Variants in SHLD1 observed in about 807,000 individuals in gnomAD.
SHLD1 encodes RINN1-REV7-interacting novel NHEJ regulator 3.
In SHLD1, 3 loss-of-function variants were observed where a neutral mutation model predicts 5.5. The observed-to-expected ratio is 0.54, with a 90% confidence interval of 0.25 to 1.40. The LOEUF (loss-of-function observed/expected upper bound fraction) is 1.40, where lower values mean the gene tolerates loss of function less well. SHLD1 is among the 40% of genes most tolerant of loss of function. The pLI is 0.15. For synonymous variants in SHLD1, 92 were observed against 94.3 expected (o/e 0.98, Z 0.14); for missense variants, 210 against 244.4 (o/e 0.86, Z 0.94).
intron 1 of SHLD1, among the ~76,000 whole-genome samples, chr20:5,764,182 ATATATATATTT>A (rs1247540094): frequency 3.0e-5 from 2 of 67,052 alleles, no homozygotes; most frequent in African/African-American, 1.1e-4. Flanking sequence ...ATATTTTTAT[ATATATATATTT>A]TATATATATA....
chr20:5,763,830 C>T (rs958154350), intron 1 of SHLD1, among the ~76,000 whole-genome samples: 3 of 150,946 alleles, frequency 2.0e-5, no homozygotes, highest in South Asian at 2.1e-4. Context: ...GGAAACTGGC[C>T]GGGCGCAATG....
chr20:5,757,531 GTGTGTGTA>G (rs1984188286), intron 1 of SHLD1, among the ~76,000 whole-genome samples: 1 of 152,152 alleles, frequency 6.6e-6, no homozygotes, highest in Non-Finnish European at 1.5e-5. Flanking sequence ...AAACTTGTGT[GTGTGTGTA>G]TATGTGTGTA....
At chr20:5,831,954 A>G (rs1269026244) in intron 2 of SHLD1, among the ~76,000 whole-genome samples, 1 of 150,870 alleles carries the variant, frequency 6.6e-6, no homozygotes, top group African/African-American at 2.4e-5. Context: ...CTTTCTTTTC[A>G]TTTCTTTCTT....
intron 1 of SHLD1, among the ~76,000 whole-genome samples, chr20:5,767,815 C>G (rs185708215): frequency 6.6e-6 from 1 of 152,244 alleles, no homozygotes; most frequent in East Asian, 1.9e-4. Context: ...ACTAAGCCAC[C>G]TTGGAGGTTT....
At chr20:5,816,282 A>AT (rs1301042969) in intron 2 of SHLD1, among the ~76,000 whole-genome samples, 78 of 151,990 alleles carry the variant, frequency 5.1e-4, no homozygotes, top group Non-Finnish European at 5.9e-5. Flanking sequence ...CTTGAATGAC[A>AT]TTTTTTTTAT....
At chr20:5,862,401 C>T (rs190980905) in intron 2 of SHLD1, among the ~76,000 whole-genome samples, 38 of 152,298 alleles carry the variant, frequency 2.5e-4, no homozygotes, top group African/African-American at 8.7e-4. Flanking sequence ...CCAGACATCC[C>T]GGAGAGAATC....
chr20:5,771,863 CTTTTTTTTTTTTTTTTT>C (rs34145480), intron 1 of SHLD1: 1 of 79,084 alleles, frequency 1.3e-5, no homozygotes, highest in Non-Finnish European at 2.3e-5. Flanking sequence ...GAACTTTTAC[CTTTTTTTTTTTTTTTTT>C]TTTTTTTTTT....
At chr20:5,768,365 A>G (rs1018550108) in intron 1 of SHLD1, among the ~76,000 whole-genome samples, 6 of 152,198 alleles carry the variant, frequency 3.9e-5, no homozygotes, top group African/African-American at 1.4e-4. Flanking sequence ...TCCCCTAGCC[A>G]TGGCTGGCCT....
intron 2 of SHLD1, among the ~76,000 whole-genome samples, chr20:5,836,212 C>T (rs6038300): frequency 0.18 from 27,531 of 151,270 alleles, 3,379 homozygotes; most frequent in East Asian, 0.35. Flanking sequence ...TAAATGTTTA[C>T]GAGATACCAA....
intron 2 of SHLD1, among the ~76,000 whole-genome samples, chr20:5,858,701 G>A (rs1049814207): frequency 3.9e-5 from 6 of 152,122 alleles, no homozygotes; most frequent in African/African-American, 1.4e-4. Flanking sequence ...CAGGCATGGT[G>A]GCACACACCT....
chr20:5,832,012 G>T (rs1417743784), intron 2 of SHLD1, among the ~76,000 whole-genome samples: 1 of 152,182 alleles, frequency 6.6e-6, no homozygotes, highest in Non-Finnish European at 1.5e-5. Flanking sequence ...CTGTGCAGCT[G>T]TCTTGGCAAC....
At chr20:5,755,564 T>TC (rs1984033719) in intron 1 of SHLD1, among the ~76,000 whole-genome samples, 1 of 150,934 alleles carries the variant, frequency 6.6e-6, no homozygotes, top group Admixed American at 6.6e-5. Flanking sequence ...TTTTTCTTTT[T>TC]CTTTTTTTTT....
chr20:5,784,703 G>A (rs1294869974), intron 2 of SHLD1, among the ~76,000 whole-genome samples: 2 of 152,140 alleles, frequency 1.3e-5, no homozygotes, highest in African/African-American at 4.8e-5. Context: ...GCCCGCCTCA[G>A]CCTCCCAAAG....
At chr20:5,827,049 C>A (rs752526586) in intron 2 of SHLD1, among the ~76,000 whole-genome samples, 18 of 152,110 alleles carry the variant, frequency 1.2e-4, no homozygotes, top group Non-Finnish European at 2.5e-4. Context: ...CAGCTCAAGT[C>A]CTGGTGGAGA....
chr20:5,807,603 G>A (rs775474568), intron 2 of SHLD1, among the ~76,000 whole-genome samples: 2 of 152,076 alleles, frequency 1.3e-5, no homozygotes, highest in African/African-American at 2.4e-5. Flanking sequence ...AAACTTCCAG[G>A]CTAAAGTGAT....
At chr20:5,814,246 G>A (rs1041830403) in intron 2 of SHLD1, among the ~76,000 whole-genome samples, 1 of 151,974 alleles carries the variant, frequency 6.6e-6, no homozygotes, top group African/African-American at 2.4e-5. Flanking sequence ...ATGAGCCACC[G>A]CGCCCGACCC....
chr20:5,769,415 G>GGAAA (rs1479638902), intron 1 of SHLD1, among the ~76,000 whole-genome samples: 3 of 152,218 alleles, frequency 2.0e-5, no homozygotes, highest in African/African-American at 7.2e-5. Context: ...CAATAGCAGG[G>GGAAA]GAAAGTACAG....
At chr20:5,761,611 C>T (rs1600092012) in intron 1 of SHLD1, among the ~76,000 whole-genome samples, 3 of 139,596 alleles carry the variant, frequency 2.1e-5, no homozygotes, top group East Asian at 2.1e-4. Flanking sequence ...GTCTTAATTT[C>T]TTTTTTTTTT....
chr20:5,782,297 C>T (rs2086998704), intron 2 of SHLD1, among the ~76,000 whole-genome samples: 1 of 152,136 alleles, frequency 6.6e-6, no homozygotes, highest in Admixed American at 6.6e-5. Context: ...AAAGCAAGAT[C>T]ACAAAGGTCA....
Sources: allele counts gnomAD v4.1 joint callset (sites outside exome capture counted in the v4.1 genomes callset), GRCh38; gene constraint gnomAD v4.1.1; transcripts MANE v1.5; gene names NCBI Gene and HGNC (gene_info 2026-07-23, HGNC 2026-07-21).